DOP1A: variants seen among roughly 807,000 people sequenced by gnomAD.
The protein encoded by DOP1A is protein DOP1A.
Under a neutral mutation model 267.6 loss-of-function variants are expected in DOP1A, and 90 were observed. That is an observed-to-expected ratio of 0.34 (90% CI 0.28 to 0.40). DOP1A has a LOEUF of 0.40. Ranked by LOEUF, DOP1A falls within the 10% of genes least tolerant of loss-of-function variation. DOP1A has a pLI of 1.00. For synonymous variants in DOP1A, 932 were observed against 999.1 expected, an observed-to-expected ratio of 0.93 and a Z score of 1.27; for missense variants, 2,437 against 2,900.4, an observed-to-expected ratio of 0.84 and a Z score of 3.67.
intron 1 of DOP1A, among the ~76,000 whole-genome samples, chr6:83,081,522 T>C (rs1412121143): frequency 2.0e-5 from 3 of 152,142 alleles, no homozygotes; most frequent in Non-Finnish European, 4.4e-5. Flanking sequence ...ATTAGACCCT[T>C]ATCTCTCACC....
intron 4 of DOP1A, 85 bp from the exon 5 acceptor site, chr6:83,108,825 G>A: frequency 7.7e-7 from 1 of 1,296,282 alleles, no homozygotes; most frequent in Non-Finnish European, 1.0e-6. Context: ...TCATCAGAAA[G>A]AAATATTTAT....
downstream of DOP1A, chr6:83,170,430 C>T (rs747259498): frequency 6.2e-7 from 1 of 1,614,082 alleles, no homozygotes; most frequent in South Asian, 1.1e-5. Flanking sequence ...GGGGGTGTAA[C>T]TGCTTGTCTT....
intron 4 of DOP1A, 133 bp from the exon 5 acceptor site, chr6:83,108,777 A>G: frequency 1.2e-6 from 1 of 805,374 alleles, no homozygotes; most frequent in Non-Finnish European, 1.9e-6. Flanking sequence ...AGTCATTCAT[A>G]TACAGGTATC....
chr6:83,076,706 T>A (rs1767155160), intron 1 of DOP1A, among the ~76,000 whole-genome samples: 1 of 152,088 alleles, frequency 6.6e-6, no homozygotes, highest in Non-Finnish European at 1.5e-5. Context: ...TGGAACACAG[T>A]ATGGCCATTC....
chr6:83,126,123 C>T (rs1777114872), intron 15 of DOP1A, among the ~76,000 whole-genome samples: 1 of 150,138 alleles, frequency 6.7e-6, no homozygotes, highest in South Asian at 2.1e-4. Context: ...TCTTCAAGAT[C>T]TAGTGTGCAT....
Position 83,151,865 on chromosome 6 carries a change from TCTTC to T in DOP1A, c.5905-14_5905-11del, listed in dbSNP as rs1781756525. On this transcript the variant is annotated splice_polypyrimidine_tract_variant and intron_variant, in intron 28 of 38. Transcript: ENST00000349129. ...GCATGTGTGTACCATACATAGTTGT[TCTTC>T]CTTATTTTTTTAGGATGTAACTCAC... 8.1e-6 allele frequency: 13 copies of T among 1,612,186 alleles called. No individual in the cohort carries two copies. The highest frequency in any genetic ancestry group is 2.2e-5 in the South Asian group (2 of 90,942).
chr6:83,160,756 C>G (rs2128412231), intron 37 of DOP1A, among the ~76,000 whole-genome samples: 1 of 152,170 alleles, frequency 6.6e-6, no homozygotes, highest in South Asian at 2.1e-4. Context: ...TCCACAAGAT[C>G]AAATATGTAT....
chr6:83,103,382 G>A (rs1433692352), intron 4 of DOP1A, among the ~76,000 whole-genome samples: 3 of 152,174 alleles, frequency 2.0e-5, no homozygotes, highest in Non-Finnish European at 4.4e-5. Flanking sequence ...TTTGGGTACA[G>A]TGTACACTGC....
chr6:83,165,865 G>T, intron 38 of DOP1A: 1 of 360,966 alleles, frequency 2.8e-6, no homozygotes, highest in South Asian at 2.3e-5. Context: ...GCATCTCATT[G>T]ATTTGCTGAG....
At chr6:83,068,090 C>G (rs941856308) in intron 1 of DOP1A, among the ~76,000 whole-genome samples, 4 of 152,170 alleles carry the variant, frequency 2.6e-5, no homozygotes, top group Non-Finnish European at 4.4e-5. Context: ...GGGACAGGTC[C>G]CGAGCCTCCC....
In DOP1A at chr6:83,119,814, C is replaced by G. The variant is rs1776066248; in HGVS notation, c.947C>G (p.Ala316Gly). ...STRHSNPEEH[A>G]TYYFTTFSKE... ...AGACACAGTAATCCTGAAGAACATG[C>G]CACTTACTATTTCACTACCTTTTCA... Residue 316 changes from alanine to glycine, a missense_variant, in exon 9 of 39, where the codon GCC (alanine) becomes GGC (glycine). This residue lies in a region of DOP1A where 498 missense variants were observed against 513.5 expected (regional missense o/e 0.97). Coordinates refer to ENST00000349129, the MANE Select transcript of DOP1A (RefSeq NM_015018.4). The G allele has an allele frequency of 6.2e-7, 1 of 1,612,852 alleles. No individual in the cohort carries two copies.
intron 1 of DOP1A, among the ~76,000 whole-genome samples, chr6:83,088,874 G>A (rs1477179451): frequency 6.6e-6 from 1 of 152,100 alleles, no homozygotes; most frequent in African/African-American, 2.4e-5. Context: ...GATTATTAAT[G>A]GTTACATCTG....
chr6:83,109,700 A>G (rs1774221944), intron 5 of DOP1A, among the ~76,000 whole-genome samples: 1 of 152,204 alleles, frequency 6.6e-6, no homozygotes, highest in Admixed American at 6.5e-5. Flanking sequence ...GGGAGTTAAT[A>G]TTTGTAGGCA....
intron 14 of DOP1A, 134 bp from the exon 15 acceptor site, chr6:83,125,366 C>G (rs1562327477): frequency 2.0e-6 from 2 of 1,003,542 alleles, no homozygotes; most frequent in South Asian, 3.5e-5. Flanking sequence ...ATAAAATATA[C>G]AGTGTTAATT....
chr6:83,106,523 C>A (rs1773629916), intron 4 of DOP1A, among the ~76,000 whole-genome samples: 1 of 151,626 alleles, frequency 6.6e-6, no homozygotes, highest in Non-Finnish European at 1.5e-5. Context: ...GAAAATGTAC[C>A]AGGAGGCCGG....
chr6:83,168,624 G>A (rs1343555643), downstream of DOP1A: 1 of 996,352 alleles, frequency 1.0e-6, no homozygotes, highest in Middle Eastern at 5.1e-4. Context: ...TTCACCAAGA[G>A]CAGTGAAGAA....
chr6:83,157,385 C>T, intron 35 of DOP1A, 67 bp downstream of exon 35: 6 of 1,507,928 alleles, frequency 4.0e-6, no homozygotes, highest in Non-Finnish European at 5.5e-6. Context: ...TTTCCATGTG[C>T]TTACTAGATA....
chr6:83,104,322 G>C (rs77223123), intron 4 of DOP1A, among the ~76,000 whole-genome samples: 1,763 of 152,212 alleles, frequency 0.012, 42 homozygotes, highest in African/African-American at 0.04. Context: ...GTGTTAAAGA[G>C]AGTAGGGGCA....
intron 1 of DOP1A, among the ~76,000 whole-genome samples, chr6:83,083,638 C>T (rs1431588751): frequency 6.6e-6 from 1 of 152,126 alleles, no homozygotes; most frequent in African/African-American, 2.4e-5. Flanking sequence ...GTGCCTGGCA[C>T]AGAGTAATTT....
Sources: allele counts gnomAD v4.1 joint callset (sites outside exome capture counted in the v4.1 genomes callset), GRCh38; gene constraint gnomAD v4.1.1; regional missense constraint gnomAD v4.1.1; transcripts MANE v1.5; gene names NCBI Gene and HGNC (gene_info 2026-07-23, HGNC 2026-07-21).